Variants in CPQ observed in about 807,000 individuals in gnomAD.
CPQ encodes the protein Ser-Met dipeptidase.
CPQ carries 37 observed loss-of-function variants against 45.7 expected under a neutral mutation model. That is an observed-to-expected ratio of 0.81 (90% CI 0.62 to 1.07). The LOEUF (loss-of-function observed/expected upper bound fraction) is 1.07, where lower values mean the gene tolerates loss of function less well. Ranked by LOEUF, CPQ falls within the 50% of genes least tolerant of loss-of-function variation. The pLI is 0.00. For missense variants in CPQ, 537 were observed against 572.9 expected (o/e 0.94, Z 0.64); for synonymous variants, 186 against 205.8 (o/e 0.90, Z 0.82).
intron 6 of CPQ, among the ~76,000 whole-genome samples, chr8:97,045,323 T>G (rs1437446730): frequency 6.6e-6 from 1 of 152,222 alleles, no homozygotes; most frequent in Non-Finnish European, 1.5e-5. Flanking sequence ...GGTGCGCCAT[T>G]TTTTAAGCCC....
intron 1 of CPQ, among the ~76,000 whole-genome samples, chr8:96,711,439 A>G (rs2130753887): frequency 6.6e-6 from 1 of 152,260 alleles, no homozygotes; most frequent in East Asian, 1.9e-4. Flanking sequence ...CTGTTCTCAC[A>G]CTGCTAATAA....
At chr8:97,099,410 C>T (rs1473638273) in intron 7 of CPQ, among the ~76,000 whole-genome samples, 6 of 151,882 alleles carry the variant, frequency 4.0e-5, no homozygotes, top group Non-Finnish European at 8.8e-5. Flanking sequence ...GGATTACAGG[C>T]GTGAGCCACC....
chr8:96,724,307 A>G (rs1396171775), intron 1 of CPQ, among the ~76,000 whole-genome samples: 5 of 152,244 alleles, frequency 3.3e-5, no homozygotes, highest in South Asian at 2.1e-4. Context: ...GTAATATTCA[A>G]TGTGTGAATA....
At chr8:97,036,420 C>A in intron 6 of CPQ, among the ~76,000 whole-genome samples, 1 of 152,154 alleles carries the variant, frequency 6.6e-6, no homozygotes, top group Non-Finnish European at 1.5e-5. Flanking sequence ...TAAAAGGAAA[C>A]TTTACCACAT....
intron 4 of CPQ, among the ~76,000 whole-genome samples, chr8:96,950,639 A>G (rs1005301164): frequency 1.3e-5 from 2 of 152,116 alleles, no homozygotes; most frequent in African/African-American, 2.4e-5. Context: ...CTGCTTCAGA[A>G]CTACTATCAG....
At chr8:97,063,291 T>A (rs984556680) in intron 6 of CPQ, among the ~76,000 whole-genome samples, 1 of 152,230 alleles carries the variant, frequency 6.6e-6, no homozygotes, top group Non-Finnish European at 1.5e-5. Flanking sequence ...TTGAGAAGCC[T>A]CTGTTCATGT....
intron 1 of CPQ, among the ~76,000 whole-genome samples, chr8:96,645,969 A>G (rs1196366074): frequency 1.3e-5 from 2 of 150,666 alleles, no homozygotes; most frequent in Non-Finnish European, 2.9e-5. Context: ...TAATTGAATG[A>G]GTACCTATGC....
chr8:96,751,898 C>A (rs888726146), intron 1 of CPQ, among the ~76,000 whole-genome samples: 1 of 152,112 alleles, frequency 6.6e-6, no homozygotes, highest in Non-Finnish European at 1.5e-5. Flanking sequence ...AAAGAGAATC[C>A]TTTCCACATT....
Position 96,706,760 on chromosome 8 carries a change from A to G in CPQ, c.-35+61358A>G, listed in dbSNP as rs141659089. On this transcript the variant is annotated intron_variant, in intron 1 of 7. Coordinates refer to ENST00000220763, the MANE Select transcript of CPQ (RefSeq NM_016134.4). ...AATCCAGAAAAGTTATAGAGGAGGA[A>G]ATGACTTTGAGTTTTTATTCAATAG... Among the ~76,000 whole-genome samples, 4 of 152,246 alleles carry G rather than the reference A, an allele frequency of 2.6e-5. No individual in the cohort carries two copies. In the East Asian group the frequency reaches 7.7e-4, roughly 29 times the overall value.
At chr8:97,134,401 G>A (rs904328086) in intron 7 of CPQ, among the ~76,000 whole-genome samples, 12 of 152,242 alleles carry the variant, frequency 7.9e-5, no homozygotes, top group African/African-American at 2.2e-4. Flanking sequence ...ATGGAGGGGT[G>A]GACTTTAGAC....
chr8:96,751,750 C>G (rs1327245642), intron 1 of CPQ, among the ~76,000 whole-genome samples: 1 of 152,074 alleles, frequency 6.6e-6, no homozygotes, highest in East Asian at 1.9e-4. Context: ...AGATTTTGTT[C>G]TAGGTTTTTT....
At chr8:96,653,215 A>C (rs187185357) in intron 1 of CPQ, among the ~76,000 whole-genome samples, 172 of 152,218 alleles carry the variant, frequency 1.1e-3, no homozygotes, top group African/African-American at 3.7e-3. Flanking sequence ...GGAGTGAGCC[A>C]CAGTGCCTAG....
chr8:97,068,256 T>C (rs1810673317), intron 7 of CPQ, among the ~76,000 whole-genome samples: 1 of 152,170 alleles, frequency 6.6e-6, no homozygotes, highest in East Asian at 1.9e-4. Context: ...TTTCTGTCTT[T>C]GCCATGGTTT....
chr8:96,902,065 A>G (rs1347711269), intron 4 of CPQ, among the ~76,000 whole-genome samples: 1 of 152,156 alleles, frequency 6.6e-6, no homozygotes, highest in Non-Finnish European at 1.5e-5. Context: ...CCACACATCA[A>G]TAAAATGAGA....
At chr8:96,933,277 A>G (rs1003325727) in intron 4 of CPQ, among the ~76,000 whole-genome samples, 12 of 152,136 alleles carry the variant, frequency 7.9e-5, no homozygotes, top group African/African-American at 2.9e-4. Context: ...GCTTCAGTCA[A>G]AGGGAGACAG....
chr8:96,715,845 T>A (rs141383876), intron 1 of CPQ, among the ~76,000 whole-genome samples: 1 of 152,338 alleles, frequency 6.6e-6, no homozygotes, highest in African/African-American at 2.4e-5. Context: ...GCTGCTCCTC[T>A]TAGTTTAGCC....
chr8:96,744,014 C>T lies in CPQ; in HGVS notation c.-34-40850C>T, dbSNP rs533908176. ...TGTGGTGGGCTCCACCCAGTTCGAG[C>T]TTCCTGGCTCCTTTGTTTACCCAAG... On this transcript the variant is annotated intron_variant, in intron 1 of 7. Coordinates refer to ENST00000220763, the MANE Select transcript of CPQ (RefSeq NM_016134.4). 5.9e-5 allele frequency among the ~76,000 whole-genome samples: 9 copies of T among 152,368 alleles called. No individual in the cohort carries two copies. The South Asian group carries it at 1.9e-3, about 32-fold the overall frequency.
At chr8:96,876,826 CT>C (rs1366631367) in intron 3 of CPQ, among the ~76,000 whole-genome samples, 2 of 152,006 alleles carry the variant, frequency 1.3e-5, no homozygotes, top group Non-Finnish European at 2.9e-5. Flanking sequence ...GTTCTCTTTG[CT>C]GGTATTTTGT....
intron 5 of CPQ, among the ~76,000 whole-genome samples, chr8:97,015,417 T>TA (rs570902004): frequency 8.9e-4 from 129 of 145,280 alleles, no homozygotes; most frequent in South Asian, 2.2e-3. Flanking sequence ...CAATTTAAAT[T>TA]AAAAAAAAAA....
Sources: allele counts gnomAD v4.1 joint callset (sites outside exome capture counted in the v4.1 genomes callset), GRCh38; gene constraint gnomAD v4.1.1; transcripts MANE v1.5; gene names NCBI Gene and HGNC (gene_info 2026-07-23, HGNC 2026-07-21).